The following LEPR variants were observed in gnomAD, a reference collection of about 807,000 sequenced individuals.
LEPR encodes leptin receptor, also known as OB receptor.
Under a neutral mutation model 114.7 loss-of-function variants are expected in LEPR, and 56 were observed. The ratio of observed to expected loss-of-function variants is 0.49; its 90% confidence interval spans 0.39 to 0.61. The LOEUF is 0.61. Ranked by LOEUF, LEPR falls within the 20% of genes least tolerant of loss-of-function variation. The pLI is 0.00. For missense variants in LEPR, 1,202 were observed against 1,352.9 expected (o/e 0.89, Z 1.75); for synonymous variants, 443 against 461.4 (o/e 0.96, Z 0.51).
chr1:65,487,808 T>C (rs1647571444), intron 2 of LEPR, among the ~76,000 whole-genome samples: 1 of 152,066 alleles, frequency 6.6e-6, no homozygotes, highest in Non-Finnish European at 1.5e-5. Flanking sequence ...CTCAGGGTAA[T>C]TGGGGTATGC....
chr1:65,545,256 G>A (rs1359357338), intron 2 of LEPR, among the ~76,000 whole-genome samples: 38 of 148,970 alleles, frequency 2.6e-4, no homozygotes, highest in East Asian at 2.0e-4. Flanking sequence ...GAATAGTGCC[G>A]CAATAAACAT....
chr1:65,565,747 C>A lies in LEPR; in HGVS notation c.40+142C>A, dbSNP rs1010056228. On this transcript the variant is annotated intron_variant, in intron 3 of 19. Transcript: ENST00000349533. ...TCATACATGCTTATGATTAAAAATG[C>A]AAACCATAGTATAGGTGTATCAGTG... 8 of 1,149,402 alleles carry A rather than the reference C, an allele frequency of 7.0e-6. No individual in the cohort carries two copies. The Admixed American group carries it at 1.2e-4, about 18-fold the overall frequency. 71.2% of individuals were successfully genotyped at this position (1,149,402 alleles called of 1,614,324 possible). A position where few individuals can be genotyped will look rare whatever the true frequency, so the allele number is the denominator to read the frequency against.
chr1:65,451,496 G>A (rs1183066479), intron 2 of LEPR, among the ~76,000 whole-genome samples: 1 of 151,918 alleles, frequency 6.6e-6, no homozygotes, highest in Non-Finnish European at 1.5e-5. Flanking sequence ...TTCTACATAT[G>A]GCTAGCCAGT....
intron 2 of LEPR, among the ~76,000 whole-genome samples, chr1:65,463,601 A>G (rs1026337907): frequency 2.0e-5 from 3 of 152,138 alleles, no homozygotes; most frequent in African/African-American, 7.2e-5. Flanking sequence ...TGAATCCATA[A>G]ATTACCTTGG....
intron 2 of LEPR, among the ~76,000 whole-genome samples, chr1:65,441,264 T>A (rs1646645002): frequency 6.6e-6 from 1 of 152,082 alleles, no homozygotes; most frequent in South Asian, 2.1e-4. Flanking sequence ...CCCTGGGGCC[T>A]GCAGATGAGG....
chr1:65,443,602 C>T (rs1031699787), intron 2 of LEPR, among the ~76,000 whole-genome samples: 1 of 151,998 alleles, frequency 6.6e-6, no homozygotes, highest in East Asian at 1.9e-4. Flanking sequence ...ATTAAGCATT[C>T]AATGAATACT....
chr1:65,552,788 T>C (rs956707747), intron 2 of LEPR, among the ~76,000 whole-genome samples: 7 of 152,216 alleles, frequency 4.6e-5, no homozygotes, highest in Non-Finnish European at 8.8e-5. Context: ...TGCCCATTAG[T>C]TGATGCAGTT....
chr1:65,537,740 T>G (rs1245377555), intron 2 of LEPR, among the ~76,000 whole-genome samples: 1 of 152,122 alleles, frequency 6.6e-6, no homozygotes, highest in Non-Finnish European at 1.5e-5. Flanking sequence ...GTGGTGAGAG[T>G]ATTGATAATA....
At chr1:65,621,174 A>T (rs967745545) in intron 17 of LEPR, among the ~76,000 whole-genome samples, 179 bp from the exon 18 acceptor site, 2 of 152,238 alleles carry the variant, frequency 1.3e-5, no homozygotes, top group Admixed American at 6.5e-5. Flanking sequence ...GAACAAAATA[A>T]TAAGTATTTT....
At chr1:65,511,109 C>T (rs1181210545) in intron 2 of LEPR, among the ~76,000 whole-genome samples, 1 of 152,162 alleles carries the variant, frequency 6.6e-6, no homozygotes, top group Admixed American at 6.5e-5. Flanking sequence ...ACTGTACACC[C>T]AGTTTCCCCT....
At chr1:65,460,190 A>G (rs761794107) in intron 2 of LEPR, among the ~76,000 whole-genome samples, 13 of 152,084 alleles carry the variant, frequency 8.5e-5, no homozygotes, top group Non-Finnish European at 1.5e-4. Flanking sequence ...AATACTATAT[A>G]GTTGTTGAAT....
At chr1:65,525,923 CG>C in intron 2 of LEPR, 1 of 902,494 alleles carries the variant, frequency 1.1e-6, no homozygotes, top group Non-Finnish European at 1.3e-6. Context: ...CGGAGCCCCG[CG>C]GGCCGCTTAG....
At position 65,610,312 on chromosome 1, in the gene LEPR, ATAT is replaced by A; in HGVS notation, c.1995+19_1995+21del. The A allele has an allele frequency of 6.3e-7, 1 of 1,579,686 alleles. No individual in the cohort carries two copies. The highest frequency in any genetic ancestry group is 8.7e-7 in the Non-Finnish European group (1 of 1,151,252). ...ACTTTGGAAGGTATTCCCAATTTTA[ATAT>A]TAATCTTAAATTGTATTTTTATACT... is the stretch of plus-strand genomic sequence containing the variant. On this transcript the variant is annotated intron_variant, in intron 14 of 19. Transcript: ENST00000349533.
At chr1:65,435,095 G>T (rs543595063) in intron 2 of LEPR, 201 of 985,412 alleles carry the variant, frequency 2.0e-4, no homozygotes, top group Non-Finnish European at 2.4e-4. Flanking sequence ...GCTTATAGAA[G>T]GATAGCAATA....
chr1:65,474,301 T>C (rs1647128141), intron 2 of LEPR, among the ~76,000 whole-genome samples: 1 of 152,242 alleles, frequency 6.6e-6, no homozygotes. Flanking sequence ...GGCTCAGCAC[T>C]AGCCTTTCCC....
chr1:65,501,283 C>T (rs931699053), intron 2 of LEPR, among the ~76,000 whole-genome samples: 3 of 151,662 alleles, frequency 2.0e-5, no homozygotes, highest in Non-Finnish European at 4.4e-5. Context: ...GGCCATACTC[C>T]CTCTGAAGCC....
intron 2 of LEPR, among the ~76,000 whole-genome samples, chr1:65,550,480 T>C (rs1223827410): frequency 6.6e-6 from 1 of 152,232 alleles, no homozygotes; most frequent in African/African-American, 2.4e-5. Context: ...CAGTTCGAGC[T>C]TCCTGGCTGT....
At chr1:65,488,248 C>CTTTCT (rs1441451129) in intron 2 of LEPR, among the ~76,000 whole-genome samples, 1 of 119,302 alleles carries the variant, frequency 8.4e-6, no homozygotes, top group Non-Finnish European at 1.7e-5. Flanking sequence ...TTCTTTCTTT[C>CTTTCT]TTTCTTTCTT....
intron 2 of LEPR, among the ~76,000 whole-genome samples, chr1:65,476,697 A>C (rs942524518): frequency 1.3e-5 from 2 of 152,186 alleles, no homozygotes; most frequent in African/African-American, 4.8e-5. Flanking sequence ...ACCTCTTTAC[A>C]TGGATTACAT....
Sources: gnomAD v4.1 joint callset for allele counts (sites outside exome capture counted in the v4.1 genomes callset) on GRCh38, gnomAD v4.1.1 for gene constraint, MANE v1.5 for transcripts, NCBI Gene and HGNC (gene_info 2026-07-23, HGNC 2026-07-21) for gene names.